The following MBD3 variants were observed in gnomAD, a reference collection of about 807,000 sequenced individuals.
MBD3 encodes the protein methyl-CpG-binding domain protein 3.
Under a neutral mutation model 31.2 loss-of-function variants are expected in MBD3, and 13 were observed. The ratio of observed to expected loss-of-function variants is 0.42; its 90% confidence interval spans 0.27 to 0.66. The LOEUF (loss-of-function observed/expected upper bound fraction) is 0.66. Ranked by LOEUF, MBD3 falls within the 30% of genes least tolerant of loss-of-function variation. The probability of loss-of-function intolerance (pLI) is 0.26; values close to 1 mark genes in which losing one functional copy is unlikely to be tolerated. For synonymous variants in MBD3, 223 were observed against 187.4 expected (o/e 1.19, Z -1.55); for missense variants, 440 against 426.5 (o/e 1.03, Z -0.28).
chr19:1,582,763 C>A (rs753645310), intron 3 of MBD3, 51 bp from the exon 4 acceptor site: 2 of 1,533,886 alleles, frequency 1.3e-6, no homozygotes, highest in African/African-American at 2.7e-5. Flanking sequence ...CCTCTCCCCA[C>A]TCCAGGTCCT....
intron 5 of MBD3, among the ~76,000 whole-genome samples, 200 bp downstream of exon 5, chr19:1,580,892 T>A (rs1917336474): frequency 6.6e-6 from 1 of 152,326 alleles, no homozygotes; most frequent in East Asian, 1.9e-4. Flanking sequence ...AAGGGGTGCC[T>A]GGCTCGCCCT....
Position 1,577,704 on chromosome 19 carries a change from GTCC to G in MBD3, c.*457_*459del, listed in dbSNP as rs1917236894. 1 of 159,588 alleles carries G rather than the reference GTCC, an allele frequency of 6.3e-6. No individual in the cohort carries two copies. Among genetic ancestry groups the G allele is most frequent in the African/African-American group, 2.4e-5 (1 of 41,492 alleles). The allele number at this position is 159,588 out of a possible 1,614,324, so 9.9% of individuals were successfully genotyped here. On this transcript the variant is annotated 3_prime_UTR_variant, in exon 7 of 7. Coordinates refer to ENST00000434436, the MANE Select transcript of MBD3 (RefSeq NM_001281453.2). ...TGCATGCCCCCCACAGCAGACCAGA[GTCC>G]CGTCCTCACGCTGCACAGTGGGTGA...
Position 1,585,444 on chromosome 19 carries a change from C to T in MBD3, c.111-230G>A. 1.8e-6 allele frequency: 1 copy of T among 550,500 alleles called. No individual in the cohort carries two copies. Among genetic ancestry groups the T allele is most frequent in the Non-Finnish European group, 3.3e-6 (1 of 305,642 alleles). The allele number at this position is 550,500 out of a possible 1,614,324, so 34.1% of individuals were successfully genotyped here. Reference sequence around the variant, plus strand: ...CAGACCCCAGCACCCCACAACTGGCCCCTAGATCTGGGCGCCAGCCAGACC... The same window carrying T: ...CAGACCCCAGCACCCCACAACTGGCTCCTAGATCTGGGCGCCAGCCAGACC... On this transcript the variant is annotated intron_variant, in intron 1 of 6. Transcript: ENST00000434436. The surrounding 1 kb of genome is among the most constrained non-coding windows in gnomAD (Gnocchi z 4.1).
chr19:1,581,674 G>A (rs1197288612), intron 4 of MBD3: 1 of 331,580 alleles, frequency 3.0e-6, no homozygotes, highest in African/African-American at 2.2e-5. Context: ...GAGCCCGGGA[G>A]GTAGAGGCTG....
Position 1,578,632 on chromosome 19 carries a change from C to T in MBD3, c.678-94G>A. ...TGGGGACCTCAGCTGGGAGGGGAGG[C>T]CCGAGGGATCCACAGGCACCCCCCC... On this transcript the variant is annotated intron_variant, in intron 5 of 6. Transcript: ENST00000434436. This position sits in a 1 kb window ranked among gnomAD's most constrained non-coding sequence, Gnocchi z 6.1. The T allele has an allele frequency of 6.3e-7, 1 of 1,597,806 alleles. No individual in the cohort carries two copies. Among genetic ancestry groups the T allele is most frequent in the Admixed American group, 1.7e-5 (1 of 60,004 alleles).
At chr19:1,586,989 G>A (rs11669864) in intron 1 of MBD3, among the ~76,000 whole-genome samples, 5 of 144,484 alleles carry the variant, frequency 3.5e-5, no homozygotes, top group East Asian at 2.1e-4. Context: ...TTTTTAAGAC[G>A]GAGTCTCGCT....
At chr19:1,590,681 C>T (rs540173042) in intron 1 of MBD3, among the ~76,000 whole-genome samples, 39 of 152,274 alleles carry the variant, frequency 2.6e-4, no homozygotes, top group Admixed American at 1.0e-3. Context: ...AGGTTATGCC[C>T]ATCTATTGAC....
intron 1 of MBD3, among the ~76,000 whole-genome samples, chr19:1,587,584 T>G (rs2060685214): frequency 6.6e-6 from 1 of 152,098 alleles, no homozygotes; most frequent in Non-Finnish European, 1.5e-5. Context: ...CCAGCTAATT[T>G]TTAAATTTTT....
intron 2 of MBD3, 113 bp downstream of exon 2, chr19:1,584,942 T>C (rs1884015226): frequency 2.8e-6 from 4 of 1,438,146 alleles, no homozygotes; most frequent in Non-Finnish European, 3.8e-6. Flanking sequence ...CTCCGCCCGC[T>C]GTGACCTCCT....
chr19:1,587,039 C>T (rs2060682598), intron 1 of MBD3, among the ~76,000 whole-genome samples: 1 of 150,834 alleles, frequency 6.6e-6, no homozygotes, highest in Non-Finnish European at 1.5e-5. Flanking sequence ...GATCTTGGCT[C>T]ACTGCAACCT....
In MBD3 at chr19:1,578,913, G is replaced by A. The variant is rs1168313073; in HGVS notation, c.678-375C>T. On this transcript the variant is annotated intron_variant, in intron 5 of 6. Coordinates refer to ENST00000434436, the MANE Select transcript of MBD3 (RefSeq NM_001281453.2). This position sits in a 1 kb window ranked among gnomAD's most constrained non-coding sequence, Gnocchi z 6.1. ...AGGAAAACCCTCACCAGGCCAGGTA[G>A]AGGCTCATGCCTGTAATCCCAGCAC... Among the ~76,000 whole-genome samples, 1 of 152,164 alleles carries A rather than the reference G, an allele frequency of 6.6e-6. No homozygotes were observed. The highest frequency in any genetic ancestry group is 2.4e-5 in the African/African-American group (1 of 41,448).
At chr19:1,588,704 A>G (rs1166452919) in intron 1 of MBD3, among the ~76,000 whole-genome samples, 1 of 149,058 alleles carries the variant, frequency 6.7e-6, no homozygotes, top group East Asian at 2.0e-4. Flanking sequence ...GGTTGAACCC[A>G]GGAGGCAGAG....
At chr19:1,590,307 C>A (rs941556533) in intron 1 of MBD3, among the ~76,000 whole-genome samples, 1 of 151,896 alleles carries the variant, frequency 6.6e-6, no homozygotes, top group African/African-American at 2.4e-5. Flanking sequence ...CAAAAAAAAA[C>A]CCCACTGAAT....
In MBD3 at chr19:1,585,063, G is replaced by C; in HGVS notation, c.262C>G (p.Gln88Glu). The change falls in exon 2 of 7, where the codon CAG becomes GAG. Residue 88 changes from glutamine (Q) to glutamate (E), a missense_variant. By Grantham distance (29) the Gln-to-Glu change is conservative. Around this residue, in one of 3 missense-constraint regions of MBD3, gnomAD observed 179 missense variants for 134.7 expected, o/e 1.33. Transcript: ENST00000434436. The surrounding 1 kb of genome is among the most constrained non-coding windows in gnomAD (Gnocchi z 4.1). ...RQRVRYDSSN[Q>E]VKGKPDLNTA... ...GTGACGCCACCACTCACCTTGACCT[G>C]GTTGGAGGAGTCGTAGCGCACGCGC... 6.2e-7 allele frequency: 1 copy of C among 1,611,908 alleles called. No individual in the cohort carries two copies. Among genetic ancestry groups the C allele is most frequent in the Non-Finnish European group, 8.5e-7 (1 of 1,179,344 alleles).
Position 1,578,987 on chromosome 19 carries a change from C to G in MBD3, c.678-449G>C, listed in dbSNP as rs979219389. ...TCACTTGAGGTCAGGCGTTCGAGACCAGCCTGACCAACATGACGAAACCCC... is the reference window on the plus strand; with the variant it reads ...TCACTTGAGGTCAGGCGTTCGAGACGAGCCTGACCAACATGACGAAACCCC... On this transcript the variant is annotated intron_variant, in intron 5 of 6. Transcript: ENST00000434436. This position sits in a 1 kb window ranked among gnomAD's most constrained non-coding sequence, Gnocchi z 6.1. Among the ~76,000 whole-genome samples the G allele has an allele frequency of 1.3e-5, 2 of 152,086 alleles. No individual in the cohort carries two copies. The highest frequency in any genetic ancestry group is 4.8e-5 in the African/African-American group (2 of 41,502).
At chr19:1,586,810 G>C (rs2060681404) in intron 1 of MBD3, among the ~76,000 whole-genome samples, 1 of 149,502 alleles carries the variant, frequency 6.7e-6, no homozygotes, top group African/African-American at 2.5e-5. Flanking sequence ...GGGAGTACAG[G>C]TGCCCGCCAC....
chr19:1,581,691 G>A (rs1283735771), intron 4 of MBD3: 2 of 315,928 alleles, frequency 6.3e-6, no homozygotes, highest in South Asian at 2.8e-5. Context: ...GCTGCTGTGA[G>A]TAGTAACGGC....
At chr19:1,590,154 C>A (rs1039268498) in intron 1 of MBD3, among the ~76,000 whole-genome samples, 1 of 150,838 alleles carries the variant, frequency 6.6e-6, no homozygotes, top group Non-Finnish European at 1.5e-5. Context: ...AAAAATTAGC[C>A]GGGCATGGTG....
chr19:1,578,077 G>A lies in MBD3; in HGVS notation c.*87C>T, dbSNP rs190802753. The A allele has an allele frequency of 7.7e-3, 4,215 of 544,044 alleles. 225 individuals carry two copies. The Admixed American group carries it at 0.11, about 14-fold the overall frequency. 33.7% of individuals were successfully genotyped at this position (544,044 alleles called of 1,614,324 possible). On this transcript the variant is annotated 3_prime_UTR_variant, in exon 7 of 7. Coordinates refer to ENST00000434436, the MANE Select transcript of MBD3 (RefSeq NM_001281453.2). This position sits in a 1 kb window ranked among gnomAD's most constrained non-coding sequence, Gnocchi z 6.1. ...CTGGGTGTCTCCAAGGCTGGGCTTC[G>A]CCGCCGAGCCTGGTTCACGTGGGGC...
Sources: gnomAD v4.1 joint callset for allele counts (sites outside exome capture counted in the v4.1 genomes callset) on GRCh38, gnomAD v4.1.1 for gene constraint, gnomAD v4.1.1 regional missense constraint, Gnocchi (gnomAD v3.1) non-coding constraint, MANE v1.5 for transcripts, NCBI Gene and HGNC (gene_info 2026-07-23, HGNC 2026-07-21) for gene names.